RBKS: variants seen among roughly 807,000 people sequenced by gnomAD.
RBKS encodes the protein ribokinase.
RBKS carries 33 observed loss-of-function variants against 33.9 expected under a neutral mutation model. The ratio of observed to expected loss-of-function variants is 0.97; its 90% CI spans 0.74 to 1.30. RBKS has a LOEUF of 1.30. RBKS is among the 50% of genes most tolerant of loss of function. The pLI is 0.00. For missense variants in RBKS, 361 were observed against 392.6 expected, an observed-to-expected ratio of 0.92 and a Z score of 0.68; for synonymous variants, 125 against 143.0, an observed-to-expected ratio of 0.87 and a Z score of 0.90.
At chr2:27,820,939 C>T (rs1678191738) in intron 7 of RBKS, among the ~76,000 whole-genome samples, 1 of 148,896 alleles carries the variant, frequency 6.7e-6, no homozygotes, top group African/African-American at 2.5e-5. Context: ...ACTTGGGAGG[C>T]TGAGGCAGGA....
At chr2:27,824,308 G>A (rs982149880) in intron 7 of RBKS, among the ~76,000 whole-genome samples, 2 of 151,966 alleles carry the variant, frequency 1.3e-5, no homozygotes, top group Admixed American at 6.6e-5. Flanking sequence ...TACAATCACC[G>A]ACCTCTTATC....
intron 1 of RBKS, among the ~76,000 whole-genome samples, chr2:27,889,097 A>G (rs1055822567): frequency 2.6e-5 from 4 of 152,222 alleles, no homozygotes; most frequent in Admixed American, 6.5e-5. Flanking sequence ...GTCAGTCACT[A>G]TAACTGCCTC....
chr2:27,794,205 G>A (rs1287343285), intron 7 of RBKS, among the ~76,000 whole-genome samples: 1 of 151,418 alleles, frequency 6.6e-6, no homozygotes, highest in Non-Finnish European at 1.5e-5. Context: ...GCCGAGGCAG[G>A]AGAATCGCTT....
intron 5 of RBKS, among the ~76,000 whole-genome samples, chr2:27,836,632 C>T (rs1433291726): frequency 6.6e-6 from 1 of 152,086 alleles, no homozygotes. Context: ...GTAACAAAAA[C>T]AAAAATTGAC....
intron 7 of RBKS, among the ~76,000 whole-genome samples, chr2:27,799,383 C>T (rs963257588): frequency 1.3e-5 from 2 of 152,130 alleles, no homozygotes; most frequent in East Asian, 3.9e-4. Context: ...CCCAAACTGC[C>T]GAGGGACCCT....
intron 1 of RBKS, among the ~76,000 whole-genome samples, chr2:27,864,641 A>G (rs1294927455): frequency 6.7e-6 from 1 of 148,670 alleles, no homozygotes; most frequent in Non-Finnish European, 1.5e-5. Context: ...CCTTCTTAAT[A>G]TAATTTTTAA....
rs140736794 is a variant in RBKS at position 27,841,360 on chromosome 2, G to A, written c.514+1707C>T. 3.6e-3 allele frequency among the ~76,000 whole-genome samples: 553 copies of A among 152,300 alleles called. 1 individual carries two copies. The highest frequency in any genetic ancestry group is 0.013 in the African/African-American group (525 of 41,560). ...AGTAGGAAAAAAAGAGAAGTTACAC[G>A]AGAATGTGCTTTGATCTATACAAAG... is the stretch of plus-strand genomic sequence containing the variant. On this transcript the variant is annotated intron_variant, in intron 5 of 7. Coordinates refer to ENST00000302188, the MANE Select transcript of RBKS (RefSeq NM_022128.3).
chr2:27,886,688 A>AT (rs761673833), intron 1 of RBKS, among the ~76,000 whole-genome samples: 1 of 151,928 alleles, frequency 6.6e-6, no homozygotes, highest in Non-Finnish European at 1.5e-5. Flanking sequence ...AGCCTGGGCA[A>AT]TATAGCGAGA....
chr2:27,782,775 A>ATT, intron 7 of RBKS: 6 of 279,988 alleles, frequency 2.1e-5, no homozygotes, highest in South Asian at 6.6e-5. Context: ...TTTAATTTTA[A>ATT]TTTTTTTTTT....
intron 5 of RBKS, among the ~76,000 whole-genome samples, chr2:27,836,512 T>A (rs1573055625): frequency 6.6e-6 from 1 of 152,178 alleles, no homozygotes; most frequent in Non-Finnish European, 1.5e-5. Context: ...GGATTAAATA[T>A]TTTAAATGTA....
intron 1 of RBKS, among the ~76,000 whole-genome samples, chr2:27,887,706 AATTTTT>A (rs1664566666): frequency 5.9e-5 from 2 of 33,958 alleles, no homozygotes; most frequent in Non-Finnish European, 2.4e-4. Context: ...TCATCAGTAA[AATTTTT>A]ACTAGTGATT....
chr2:27,858,622 ATTT>A (rs772988033), intron 1 of RBKS, 51 bp from the exon 2 acceptor site: 203 of 1,550,266 alleles, frequency 1.3e-4, no homozygotes, highest in Non-Finnish European at 1.7e-4. Context: ...ACTGTAATCA[ATTT>A]AAGTTCTTTA....
chr2:27,841,208 A>G (rs752993882), intron 5 of RBKS, among the ~76,000 whole-genome samples: 8 of 152,044 alleles, frequency 5.3e-5, no homozygotes, highest in Non-Finnish European at 7.4e-5. Context: ...GGATTACTCT[A>G]TTCTCACCTG....
intron 2 of RBKS, among the ~76,000 whole-genome samples, chr2:27,858,124 T>C (rs1002527745): frequency 9.2e-5 from 14 of 152,212 alleles, no homozygotes; most frequent in Non-Finnish European, 2.1e-4. Flanking sequence ...TCACATAATA[T>C]ATATTCCATT....
rs1249986768 is a variant in RBKS at position 27,860,197 on chromosome 2, GA to G, written c.90-1627del. Among the ~76,000 whole-genome samples, 6 of 152,254 alleles carry G rather than the reference GA, an allele frequency of 3.9e-5. No homozygotes were observed. In the East Asian group the frequency reaches 7.7e-4, roughly 20 times the overall value. On this transcript the variant is annotated intron_variant, in intron 1 of 7. Coordinates refer to ENST00000302188, the MANE Select transcript of RBKS (RefSeq NM_022128.3). The stretch of plus-strand genomic sequence containing the variant: ...TTCTGAAAAAGGTACTCAATCAAGA[GA>G]AAAATGGTTTTAATGTAATGTTATT...
At chr2:27,852,628 A>T (rs1254091386) in intron 2 of RBKS, among the ~76,000 whole-genome samples, 1 of 152,230 alleles carries the variant, frequency 6.6e-6, no homozygotes, top group Non-Finnish European at 1.5e-5. Flanking sequence ...GGCAGAAACC[A>T]TCTAGTAATT....
intron 6 of RBKS, among the ~76,000 whole-genome samples, chr2:27,830,709 T>C (rs966818418): frequency 5.3e-5 from 8 of 152,218 alleles, no homozygotes; most frequent in Non-Finnish European, 7.3e-5. Context: ...GCAGATGTTA[T>C]TTTCCAAAGA....
intron 7 of RBKS, among the ~76,000 whole-genome samples, chr2:27,799,752 G>T (rs1164525906): frequency 6.6e-6 from 1 of 152,220 alleles, no homozygotes; most frequent in East Asian, 1.9e-4. Flanking sequence ...CTGGGTTTAG[G>T]TCAGAATTTC....
intron 4 of RBKS, among the ~76,000 whole-genome samples, chr2:27,844,103 T>A (rs11127128): frequency 0.27 from 40,212 of 151,638 alleles, 6,272 homozygotes; most frequent in East Asian, 0.63. Flanking sequence ...CTACTAAAAT[T>A]ACAAAAATTA....
Sources: allele counts gnomAD v4.1 joint callset (sites outside exome capture counted in the v4.1 genomes callset), GRCh38; gene constraint gnomAD v4.1.1; transcripts MANE v1.5; gene names NCBI Gene and HGNC (gene_info 2026-07-23, HGNC 2026-07-21).